The following CLIC6 variants were observed in gnomAD, a reference collection of about 807,000 sequenced individuals.
CLIC6 encodes the protein chloride intracellular channel protein 6.
Under a neutral mutation model 49.2 loss-of-function variants are expected in CLIC6, and 39 were observed. That is an observed-to-expected ratio of 0.79 (90% CI 0.61 to 1.04). CLIC6 has a LOEUF of 1.04. CLIC6 is among the 50% of genes least tolerant of loss of function. The pLI, the probability that CLIC6 is intolerant of heterozygous loss-of-function variation, is 0.00. For missense variants in CLIC6, 988 were observed against 993.1 expected, an observed-to-expected ratio of 0.99 and a Z score of 0.07; for synonymous variants, 446 against 433.4, an observed-to-expected ratio of 1.03 and a Z score of -0.36.
intron 3 of CLIC6, 35 bp from the exon 4 acceptor site, chr21:34,708,665 C>A: frequency 7.0e-7 from 1 of 1,425,508 alleles, no homozygotes; most frequent in Non-Finnish European, 9.9e-7. Context: ...TAAAACATCA[C>A]TTGTCTGTGA....
intron 1 of CLIC6, among the ~76,000 whole-genome samples, chr21:34,701,782 T>A (rs929447099): frequency 1.3e-5 from 2 of 152,210 alleles, no homozygotes; most frequent in Non-Finnish European, 2.9e-5. Flanking sequence ...AATTTTTTTT[T>A]AATTTACAGA....
Position 34,716,862 on chromosome 21 carries a change from T to TCTCTCTCTCTCTCTCACACA in CLIC6, c.*381_*382insTCTCTCTCTCTCTCACACAC. ...CTCTCTCTCTCTCTCTCTCTCTCTA[T>TCTCTCTCTCTCTCTCACACA]CACACACACACACACACACACACAC... On this transcript the variant is annotated 3_prime_UTR_variant, in exon 6 of 6. Transcript: ENST00000349499. 8.4e-5 allele frequency: 11 copies of TCTCTCTCTCTCTCTCACACA among 131,724 alleles called. No homozygotes were observed. The highest frequency in any genetic ancestry group is 3.5e-4 in the African/African-American group (11 of 31,300). The allele number at this position is 131,724 out of a possible 1,614,324, so 8.2% of individuals were successfully genotyped here. A position where few individuals can be genotyped will look rare whatever the true frequency, so the allele number is the denominator to read the frequency against.
rs570528014 is a variant in CLIC6 at position 34,670,833 on chromosome 21, G to A, written c.1374+71G>A. Reference sequence around the variant, plus strand: ...GAGGTCTTGGTCATCTCAGATCCCAGAGGGACGCGCAGGGAGGAACCCTTG... The same window carrying A: ...GAGGTCTTGGTCATCTCAGATCCCAAAGGGACGCGCAGGGAGGAACCCTTG... On this transcript the variant is annotated intron_variant, in intron 1 of 5. Coordinates refer to ENST00000349499, the MANE Select transcript of CLIC6 (RefSeq NM_053277.3). 3.2e-5 allele frequency: 47 copies of A among 1,484,986 alleles called. No individual in the cohort carries two copies. The South Asian group carries it at 5.2e-4, about 16-fold the overall frequency. 92.0% of individuals were successfully genotyped at this position (1,484,986 alleles called of 1,614,324 possible).
At chr21:34,676,026 T>A (rs62213791) in intron 1 of CLIC6, among the ~76,000 whole-genome samples, 28,735 of 152,074 alleles carry the variant, frequency 0.19, 2,888 homozygotes, top group South Asian at 0.23. Context: ...TGTGGCTTCA[T>A]GAGAGCAATT....
At chr21:34,714,603 G>A (rs747953260) in intron 5 of CLIC6, among the ~76,000 whole-genome samples, 3 of 151,598 alleles carry the variant, frequency 2.0e-5, no homozygotes, top group East Asian at 1.9e-4. Flanking sequence ...GAGGAAAATC[G>A]CTTGAACCTG....
intron 1 of CLIC6, among the ~76,000 whole-genome samples, chr21:34,689,892 G>A (rs901454883): frequency 6.6e-6 from 1 of 152,168 alleles, no homozygotes; most frequent in African/African-American, 2.4e-5. Flanking sequence ...CCAACACAGC[G>A]TGAAATTATG....
chr21:34,701,308 C>CAAAAA lies in CLIC6; in HGVS notation c.1375-5950_1375-5946dup, dbSNP rs763844976. 6.4e-3 allele frequency among the ~76,000 whole-genome samples: 315 copies of CAAAAA among 49,566 alleles called. 23 individuals carry two copies. The highest frequency in any genetic ancestry group is 0.018 in the African/African-American group (229 of 12,972). 32.5% of individuals were successfully genotyped at this position (49,566 alleles called of 152,430 possible). A position where few individuals can be genotyped will look rare whatever the true frequency, so the allele number is the denominator to read the frequency against. Reference sequence around the variant, plus strand: ...TGGGCGACAGAGCGAGGCTCCGTCTCAAAAAAAAAAAAAAAAAAAAAAAAA... The same window carrying CAAAAA: ...TGGGCGACAGAGCGAGGCTCCGTCTCAAAAAAAAAAAAAAAAAAAAAAAAAAAAAA... On this transcript the variant is annotated intron_variant, in intron 1 of 5. Coordinates refer to ENST00000349499, the MANE Select transcript of CLIC6 (RefSeq NM_053277.3).
At chr21:34,713,523 T>C (rs749263535) in intron 5 of CLIC6, among the ~76,000 whole-genome samples, 6 of 152,124 alleles carry the variant, frequency 3.9e-5, no homozygotes, top group Non-Finnish European at 7.4e-5. Context: ...TTTTGGCATG[T>C]GGAATGTGTT....
intron 1 of CLIC6, among the ~76,000 whole-genome samples, chr21:34,693,348 C>T (rs1990030762): frequency 1.3e-5 from 2 of 152,154 alleles, no homozygotes; most frequent in Non-Finnish European, 2.9e-5. Flanking sequence ...TAACTTGTAG[C>T]ATTTTCCCAC....
chr21:34,671,303 A>G (rs1989563861), intron 1 of CLIC6, among the ~76,000 whole-genome samples: 1 of 152,294 alleles, frequency 6.6e-6, no homozygotes, highest in South Asian at 2.1e-4. Context: ...CAATGTTTTC[A>G]ACTCCAAAAA....
At chr21:34,712,127 C>T (rs1263752087) in intron 5 of CLIC6, among the ~76,000 whole-genome samples, 1 of 152,152 alleles carries the variant, frequency 6.6e-6, no homozygotes, top group African/African-American at 2.4e-5. Context: ...TTCATGGCTC[C>T]ACTATAAGAC....
chr21:34,706,064 TAAAG>T, intron 1 of CLIC6: 1 of 688,754 alleles, frequency 1.5e-6, no homozygotes, highest in Non-Finnish European at 2.6e-6. Flanking sequence ...CGCATTGCTA[TAAAG>T]AAATACCTGA....
intron 1 of CLIC6, among the ~76,000 whole-genome samples, chr21:34,679,542 T>C (rs918027832): frequency 6.6e-6 from 1 of 152,178 alleles, no homozygotes; most frequent in Non-Finnish European, 1.5e-5. Context: ...CATTCCAGCA[T>C]TAACCTAAAA....
rs1989495055 is a variant in CLIC6, at chr21:34,669,754, C to T, written c.366C>T (p.Arg122=). The T allele has an allele frequency of 2.1e-6, 3 of 1,397,122 alleles. No homozygotes were observed. Among genetic ancestry groups the T allele is most frequent in the Non-Finnish European group, 2.8e-6 (3 of 1,086,050 alleles). 86.5% of individuals were successfully genotyped at this position (1,397,122 alleles called of 1,614,324 possible). ...GACGCGGCGCGCAGGGCGAGCCCCG[C>T]GGGGAGGCTCAGAGGGAGCCCGAGG... ...SPGRGAQGEP[R]GEAQREPEDS... The change falls in exon 1 of 6, where the codon CGC becomes CGT. Residue 122 remains arginine (R), a synonymous_variant. Coordinates refer to ENST00000349499, the MANE Select transcript of CLIC6 (RefSeq NM_053277.3).
At chr21:34,700,011 C>G (rs931645871) in intron 1 of CLIC6, among the ~76,000 whole-genome samples, 1 of 152,128 alleles carries the variant, frequency 6.6e-6, no homozygotes, top group African/African-American at 2.4e-5. Context: ...GCTGGAGCCA[C>G]GTTGCCTGTT....
chr21:34,680,698 G>C (rs1989761391), intron 1 of CLIC6, among the ~76,000 whole-genome samples: 1 of 152,210 alleles, frequency 6.6e-6, no homozygotes, highest in Non-Finnish European at 1.5e-5. Flanking sequence ...AATGCTGCCA[G>C]TCTCTTTGCT....
chr21:34,691,314 T>A (rs371105485), intron 1 of CLIC6, among the ~76,000 whole-genome samples: 6 of 150,350 alleles, frequency 4.0e-5, no homozygotes, highest in African/African-American at 1.5e-4. Flanking sequence ...TCTAATAAAA[T>A]GTTGTGATTT....
chr21:34,710,993 C>G (rs1475530276), intron 5 of CLIC6, among the ~76,000 whole-genome samples: 1 of 152,182 alleles, frequency 6.6e-6, no homozygotes, highest in East Asian at 1.9e-4. Context: ...GCGCTCCCAG[C>G]CGCTCTATCA....
chr21:34,699,112 T>C (rs188138831), intron 1 of CLIC6, among the ~76,000 whole-genome samples: 1 of 152,320 alleles, frequency 6.6e-6, no homozygotes, highest in East Asian at 1.9e-4. Flanking sequence ...TCAGTTTCCT[T>C]GTTTATAAAA....
Sources: gnomAD v4.1 joint callset for allele counts (sites outside exome capture counted in the v4.1 genomes callset) on GRCh38, gnomAD v4.1.1 for gene constraint, MANE v1.5 for transcripts, NCBI Gene and HGNC (gene_info 2026-07-23, HGNC 2026-07-21) for gene names.